SH3GL2: variants seen among roughly 807,000 people sequenced by gnomAD.
SH3GL2 encodes SH3 domain containing GRB2 like 2, endophilin A1.
SH3GL2 carries 24 observed loss-of-function variants against 46.0 expected under a neutral mutation model. The observed-to-expected ratio is 0.52, with a 90% CI of 0.38 to 0.73. The LOEUF (loss-of-function observed/expected upper bound fraction) is 0.73, where lower values mean the gene tolerates loss of function less well. Among genes scored for constraint, SH3GL2 ranks in the 30% least tolerant of loss-of-function variants. SH3GL2 has a pLI of 0.00. For missense variants in SH3GL2, 413 were observed against 424.2 expected (o/e 0.97, Z 0.23); for synonymous variants, 196 against 147.1 (o/e 1.33, Z -2.40).
intron 1 of SH3GL2, among the ~76,000 whole-genome samples, chr9:17,651,024 G>GGT (rs1490322164): frequency 1.3e-5 from 2 of 151,674 alleles, no homozygotes; most frequent in Non-Finnish European, 2.9e-5. Context: ...ATGTATGTGT[G>GGT]GTGTGTGTGT....
At chr9:17,777,863 G>T (rs1395637652) in intron 3 of SH3GL2, among the ~76,000 whole-genome samples, 4 of 151,964 alleles carry the variant, frequency 2.6e-5, no homozygotes, top group Non-Finnish European at 5.9e-5. Flanking sequence ...ACAAATAGCA[G>T]TCTTCTTACC....
intron 1 of SH3GL2, among the ~76,000 whole-genome samples, chr9:17,616,570 G>C (rs1188900688): frequency 1.3e-5 from 2 of 152,020 alleles, no homozygotes; most frequent in Non-Finnish European, 2.9e-5. Flanking sequence ...AGTCAGAGGA[G>C]GCTACAAATG....
chr9:17,644,144 A>T (rs1819750629), intron 1 of SH3GL2, among the ~76,000 whole-genome samples: 2 of 152,056 alleles, frequency 1.3e-5, no homozygotes, highest in African/African-American at 4.8e-5. Flanking sequence ...GTATTCTCTG[A>T]TGGTAGTTTA....
chr9:17,740,338 C>T (rs1462920545), intron 1 of SH3GL2, among the ~76,000 whole-genome samples: 1 of 152,184 alleles, frequency 6.6e-6, no homozygotes, highest in Non-Finnish European at 1.5e-5. Context: ...TGAATCCACC[C>T]TGTCTATTAT....
intron 1 of SH3GL2, among the ~76,000 whole-genome samples, chr9:17,616,102 T>G (rs1328154777): frequency 2.0e-5 from 3 of 152,202 alleles, no homozygotes; most frequent in African/African-American, 7.2e-5. Context: ...CCATTAACAC[T>G]TATTCTACAT....
At chr9:17,781,863 G>C (rs564375201) in intron 3 of SH3GL2, among the ~76,000 whole-genome samples, 1 of 152,136 alleles carries the variant, frequency 6.6e-6, no homozygotes, top group African/African-American at 2.4e-5. Flanking sequence ...TACTCTTTCA[G>C]GTGGAATTTG....
chr9:17,611,124 G>C (rs1818856744), intron 1 of SH3GL2, among the ~76,000 whole-genome samples: 1 of 152,114 alleles, frequency 6.6e-6, no homozygotes, highest in Admixed American at 6.6e-5. Flanking sequence ...TGTTCATAGA[G>C]TAGACGTCAT....
In SH3GL2 at chr9:17,637,882, C is replaced by T. The variant is rs140495549; in HGVS notation, c.45+58595C>T. 6.6e-3 allele frequency among the ~76,000 whole-genome samples: 1,003 copies of T among 152,228 alleles called. 8 individuals carry two copies. Among genetic ancestry groups the T allele is most frequent in the South Asian group, 0.014 (66 of 4,812 alleles). On this transcript the variant is annotated intron_variant, in intron 1 of 8. Transcript: ENST00000380607. ...TCTTAAAACACTGATTTCAGCCGGGCGCGGTGGCTCAAGCCTGTAATCCCA... is the reference window on the plus strand; with the variant it reads ...TCTTAAAACACTGATTTCAGCCGGGTGCGGTGGCTCAAGCCTGTAATCCCA...
At chr9:17,716,076 G>A (rs1210471661) in intron 1 of SH3GL2, among the ~76,000 whole-genome samples, 4 of 152,020 alleles carry the variant, frequency 2.6e-5, no homozygotes, top group East Asian at 1.9e-4. Flanking sequence ...ACGTGTGTAT[G>A]TATATATTCT....
chr9:17,679,418 A>T (rs1352629558), intron 1 of SH3GL2, among the ~76,000 whole-genome samples: 1 of 151,982 alleles, frequency 6.6e-6, no homozygotes, highest in Admixed American at 6.6e-5. Flanking sequence ...TTCACTCATG[A>T]TTTGGCTGTT....
rs563699760 is a variant in SH3GL2 at position 17,719,118 on chromosome 9, G to A, written c.46-27948G>A. Among the ~76,000 whole-genome samples the A allele has an allele frequency of 5.9e-5, 9 of 152,110 alleles. No homozygotes were observed. The South Asian group carries it at 1.2e-3, about 21-fold the overall frequency. On this transcript the variant is annotated intron_variant, in intron 1 of 8. Coordinates refer to ENST00000380607, the MANE Select transcript of SH3GL2 (RefSeq NM_003026.5). ...ACTTTTAAGCTCACTGCATATAATT[G>A]GAATAATATGGTCTACCTAATCTTC...
intron 1 of SH3GL2, among the ~76,000 whole-genome samples, chr9:17,642,485 G>A (rs1819708783): frequency 6.6e-6 from 1 of 152,122 alleles, no homozygotes; most frequent in African/African-American, 2.4e-5. Context: ...TATGGTTTTA[G>A]GTCTGACGTT....
chr9:17,731,602 T>C (rs115992824), intron 1 of SH3GL2, among the ~76,000 whole-genome samples: 2 of 152,150 alleles, frequency 1.3e-5, no homozygotes, highest in African/African-American at 2.4e-5. Flanking sequence ...ACTCTTATCT[T>C]GGGCTTCTAG....
At chr9:17,595,251 A>G (rs1190952342) in intron 1 of SH3GL2, among the ~76,000 whole-genome samples, 6 of 152,204 alleles carry the variant, frequency 3.9e-5, no homozygotes, top group African/African-American at 1.4e-4. Context: ...AGACATACCT[A>G]AAAGCTCTTA....
rs892588856 is a variant in SH3GL2, at chr9:17,739,320, C to CT, written c.46-7736dup. Among the ~76,000 whole-genome samples, 228 of 148,898 alleles carry CT rather than the reference C, an allele frequency of 1.5e-3. 1 individual carries two copies. Among genetic ancestry groups the CT allele is most frequent in the Middle Eastern group, 0.01 (3 of 290 alleles). On this transcript the variant is annotated intron_variant, in intron 1 of 8. Transcript: ENST00000380607. ...ACTTTTTTCTTCTCTTTATGAGTTG[C>CT]TTTTTTTTTTCTCAAGGGGATTTAT...
chr9:17,665,938 A>G lies in SH3GL2; in HGVS notation c.46-81128A>G, dbSNP rs112912600. ...CCATGACTTTATACTGATATGTTCAATTTCAGTCTAGTACCACAGGGTTCA... is the reference window on the plus strand; with the variant it reads ...CCATGACTTTATACTGATATGTTCAGTTTCAGTCTAGTACCACAGGGTTCA... On this transcript the variant is annotated intron_variant, in intron 1 of 8. Transcript: ENST00000380607. 6.1e-3 allele frequency among the ~76,000 whole-genome samples: 916 copies of G among 149,842 alleles called. 6 individuals are homozygous for G. The highest frequency in any genetic ancestry group is 9.4e-3 in the Non-Finnish European group (631 of 67,462).
At chr9:17,596,208 C>T (rs1818568749) in intron 1 of SH3GL2, among the ~76,000 whole-genome samples, 1 of 152,150 alleles carries the variant, frequency 6.6e-6, no homozygotes, top group South Asian at 2.1e-4. Context: ...CTCCATAGAG[C>T]CCTGAATTAA....
intron 3 of SH3GL2, among the ~76,000 whole-genome samples, chr9:17,774,963 A>T (rs148971757): frequency 0.013 from 1,912 of 152,246 alleles, 37 homozygotes; most frequent in African/African-American, 0.044. Flanking sequence ...CTTCTTACTA[A>T]TGATAGGTCT....
chr9:17,788,147 T>A (rs1388856688), intron 5 of SH3GL2, among the ~76,000 whole-genome samples: 1 of 152,086 alleles, frequency 6.6e-6, no homozygotes, highest in East Asian at 1.9e-4. Context: ...TGAAACTTTG[T>A]TGGGTGTAAA....
Sources: gnomAD v4.1 joint callset for allele counts (sites outside exome capture counted in the v4.1 genomes callset) on GRCh38, gnomAD v4.1.1 for gene constraint, MANE v1.5 for transcripts, NCBI Gene and HGNC (gene_info 2026-07-23, HGNC 2026-07-21) for gene names.